The following HEMK2 variants were observed in gnomAD, a reference collection of about 807,000 sequenced individuals.
The protein encoded by HEMK2 is HemK methyltransferase 2, ETF1 glutamine and histone H4 lysine, also known as methyltransferase HEMK2.
At chr21:28,773,110 C>T in the HEMK2 span, among the ~76,000 whole-genome samples, 1 of 152,142 alleles carries the variant, frequency 6.6e-6, no homozygotes, top group Non-Finnish European at 1.5e-5. Context: ...TCTAGTGCCT[C>T]TCCTGCTCTA....
chr21:28,711,501 T>C, the HEMK2 span, among the ~76,000 whole-genome samples: 1,063 of 152,252 alleles, frequency 7.0e-3, 11 homozygotes, highest in African/African-American at 0.024. Context: ...GCTAGAACAG[T>C]TGGGGAGCCC....
At chr21:28,721,406 C>G in the HEMK2 span, among the ~76,000 whole-genome samples, 9 of 152,142 alleles carry the variant, frequency 5.9e-5, no homozygotes, top group Admixed American at 2.0e-4. Flanking sequence ...TGAGCCACCA[C>G]GCCCAGCATG....
the HEMK2 span, among the ~76,000 whole-genome samples, chr21:28,682,556 A>G: frequency 1.3e-5 from 2 of 152,156 alleles, no homozygotes; most frequent in African/African-American, 2.4e-5. Context: ...TACTGGGTAT[A>G]TACCCAAAGG....
At chr21:28,631,378 T>G in the HEMK2 span, among the ~76,000 whole-genome samples, 1 of 152,222 alleles carries the variant, frequency 6.6e-6, no homozygotes, top group African/African-American at 2.4e-5. Context: ...TAATGTTGCT[T>G]GGTCAACCAG....
the HEMK2 span, among the ~76,000 whole-genome samples, chr21:28,667,403 A>G: frequency 6.6e-6 from 1 of 152,180 alleles, no homozygotes; most frequent in Non-Finnish European, 1.5e-5. Context: ...AACCAAAACT[A>G]TGAGAATGGG....
chr21:28,820,360 G>A, the HEMK2 span, among the ~76,000 whole-genome samples: 1 of 152,050 alleles, frequency 6.6e-6, no homozygotes, highest in African/African-American at 2.4e-5. Context: ...ATGACCTCTG[G>A]TCCCTTCCCT....
At chr21:28,587,633 T>G in the HEMK2 span, among the ~76,000 whole-genome samples, 1 of 152,194 alleles carries the variant, frequency 6.6e-6, no homozygotes, top group Non-Finnish European at 1.5e-5. Context: ...TCTTAATAAT[T>G]TACTGTTATC....
the HEMK2 span, among the ~76,000 whole-genome samples, chr21:28,657,262 G>C: frequency 6.6e-6 from 1 of 152,046 alleles, no homozygotes; most frequent in Non-Finnish European, 1.5e-5. Flanking sequence ...GAACAGTCAA[G>C]AGGTAGCAGC....
the HEMK2 span, among the ~76,000 whole-genome samples, chr21:28,871,362 G>C: frequency 6.6e-6 from 1 of 152,152 alleles, no homozygotes; most frequent in African/African-American, 2.4e-5. Flanking sequence ...AGGAGGAAGA[G>C]AGCGAAGAGG....
the HEMK2 span, among the ~76,000 whole-genome samples, chr21:28,842,085 AG>A: frequency 6.6e-6 from 1 of 152,156 alleles, no homozygotes; most frequent in Non-Finnish European, 1.5e-5. Flanking sequence ...CCTTCTAGAA[AG>A]TCACTGAACC....
chr21:28,700,949 C>T, the HEMK2 span, among the ~76,000 whole-genome samples: 3 of 152,090 alleles, frequency 2.0e-5, no homozygotes, highest in Non-Finnish European at 4.4e-5. Flanking sequence ...GCTAACCTAC[C>T]AGGATCAAGG....
the HEMK2 span, among the ~76,000 whole-genome samples, chr21:28,863,554 G>A: frequency 6.7e-6 from 1 of 148,976 alleles, no homozygotes; most frequent in African/African-American, 2.5e-5. Context: ...TTGAGAAAAT[G>A]GTAAGTGGTG....
At chr21:28,673,006 GA>G in the HEMK2 span, among the ~76,000 whole-genome samples, 1 of 131,104 alleles carries the variant, frequency 7.6e-6, no homozygotes. Context: ...GAAAGAGAAA[GA>G]AAGAAAGAAA....
chr21:28,730,990 G>A, the HEMK2 span, among the ~76,000 whole-genome samples: 11 of 151,696 alleles, frequency 7.3e-5, no homozygotes, highest in African/African-American at 2.4e-4. Flanking sequence ...AAAAACTCAC[G>A]CTCCCTATAA....
the HEMK2 span, among the ~76,000 whole-genome samples, chr21:28,597,483 C>A: frequency 6.6e-6 from 1 of 152,162 alleles, no homozygotes; most frequent in Non-Finnish European, 1.5e-5. Context: ...GGGAAGTGAT[C>A]AAATTCTTTT....
At chr21:28,691,956 T>G in the HEMK2 span, among the ~76,000 whole-genome samples, 2 of 152,364 alleles carry the variant, frequency 1.3e-5, no homozygotes, top group South Asian at 4.1e-4. Flanking sequence ...TTTCAAAGTT[T>G]ATCATACAGA....
chr21:28,879,519 C>T, the HEMK2 span, among the ~76,000 whole-genome samples: 3 of 152,258 alleles, frequency 2.0e-5, no homozygotes, highest in Middle Eastern at 3.4e-3. Flanking sequence ...GGATTACAGG[C>T]GTGGGCCATT....
chr21:28,607,098 T>C, the HEMK2 span, among the ~76,000 whole-genome samples: 21 of 152,276 alleles, frequency 1.4e-4, no homozygotes, highest in East Asian at 3.9e-3. Flanking sequence ...CAATTTTTAA[T>C]ATGAATGATA....
chr21:28,877,045 AGG>A, the HEMK2 span, among the ~76,000 whole-genome samples: 1 of 11,284 alleles, frequency 8.9e-5, no homozygotes, highest in African/African-American at 3.6e-4. Context: ...GGAGGGAGGG[AGG>A]GAGGGAGGGA....
Sources: allele counts gnomAD v4.1 joint callset (sites outside exome capture counted in the v4.1 genomes callset), GRCh38; gene constraint gnomAD v4.1.1; transcripts MANE v1.5; gene names NCBI Gene and HGNC (gene_info 2026-07-23, HGNC 2026-07-21).